MALRD1: variants seen among roughly 807,000 people sequenced by gnomAD.
The protein encoded by MALRD1 is MAM and LDL-receptor class A domain-containing protein 1.
MALRD1 carries 247 observed loss-of-function variants against 242.1 expected under a neutral mutation model. The observed-to-expected ratio is 1.02, with a 90% CI of 0.92 to 1.13. The LOEUF (loss-of-function observed/expected upper bound fraction) is 1.13. Among genes scored for constraint, MALRD1 ranks in the 50% most tolerant of loss-of-function variants. The pLI, the probability that MALRD1 is intolerant of heterozygous loss-of-function variation, is 0.00. For synonymous variants in MALRD1, 995 were observed against 866.6 expected, an observed-to-expected ratio of 1.15 and a Z score of -2.60; for missense variants, 2,989 against 2,533.1, an observed-to-expected ratio of 1.18 and a Z score of -3.86.
intron 36 of MALRD1, among the ~76,000 whole-genome samples, chr10:19,665,452 G>A (rs1323800249): frequency 6.6e-6 from 1 of 152,092 alleles, no homozygotes; most frequent in Non-Finnish European, 1.5e-5. Context: ...ACCTTCCTAA[G>A]GGGAATTTAT....
At chr10:19,684,903 G>A (rs1842515958) in intron 36 of MALRD1, among the ~76,000 whole-genome samples, 1 of 152,052 alleles carries the variant, frequency 6.6e-6, no homozygotes. Context: ...TACAAAATTA[G>A]AGACTGAGCA....
intron 11 of MALRD1, among the ~76,000 whole-genome samples, chr10:19,148,351 T>G (rs1448708317): frequency 6.6e-6 from 1 of 152,004 alleles, no homozygotes; most frequent in Non-Finnish European, 1.5e-5. Context: ...TTAGGGTGCT[T>G]CAGTTTTATT....
Position 19,155,149 on chromosome 10 carries a change from C to T in MALRD1, c.1633C>T (p.Leu545Phe). ...KLGSPVLTKLLTASTPCQVQF... is the reference protein window; with the variant it reads ...KLGSPVLTKLFTASTPCQVQF... Reference sequence around the variant, plus strand: ...TGGAAGTCCTGTTCTTACAAAATTGCTCACTGCCTCTACCCCATGTCAGGT... The same window carrying T: ...TGGAAGTCCTGTTCTTACAAAATTGTTCACTGCCTCTACCCCATGTCAGGT... Residue 545 changes from leucine to phenylalanine, a missense_variant, in exon 12 of 40, where the codon CTC becomes TTC. Transcript: ENST00000454679. 1 of 1,231,450 alleles carries T rather than the reference C, an allele frequency of 8.1e-7. No homozygotes were observed. Among genetic ancestry groups the T allele is most frequent in the African/African-American group, 1.6e-5 (1 of 64,508 alleles). The allele number at this position is 1,231,450 out of a possible 1,614,324, so 76.3% of individuals were successfully genotyped here. A position where few individuals can be genotyped will look rare whatever the true frequency, so the allele number is the denominator to read the frequency against.
intron 1 of MALRD1, among the ~76,000 whole-genome samples, chr10:19,060,976 G>C (rs971291485): frequency 6.6e-6 from 1 of 152,166 alleles, no homozygotes; most frequent in African/African-American, 2.4e-5. Flanking sequence ...CAGGGACATG[G>C]ATGGAGCTGG....
intron 14 of MALRD1, among the ~76,000 whole-genome samples, chr10:19,176,053 T>G (rs548833323): frequency 3.5e-4 from 53 of 152,262 alleles, no homozygotes; most frequent in Non-Finnish European, 5.9e-4. Context: ...CTCTGACCAC[T>G]CCTACCCTCA....
intron 19 of MALRD1, among the ~76,000 whole-genome samples, chr10:19,277,695 A>G (rs72796451): frequency 0.094 from 14,325 of 152,238 alleles, 774 homozygotes; most frequent in Middle Eastern, 0.14. Context: ...TTCTTTAGCT[A>G]TATCAATAAA....
At chr10:19,245,248 G>A (rs978649313) in intron 18 of MALRD1, among the ~76,000 whole-genome samples, 1 of 152,110 alleles carries the variant, frequency 6.6e-6, no homozygotes. Context: ...TGAGTTACTG[G>A]AGAAAGCAGA....
At chr10:19,329,239 G>A (rs1037176735) in intron 23 of MALRD1, among the ~76,000 whole-genome samples, 11 of 152,118 alleles carry the variant, frequency 7.2e-5, no homozygotes, top group Non-Finnish European at 7.3e-5. Flanking sequence ...CACCATGCAC[G>A]AGAGAGACAG....
intron 20 of MALRD1, among the ~76,000 whole-genome samples, chr10:19,280,943 T>A (rs898179360): frequency 6.6e-6 from 1 of 152,224 alleles, no homozygotes; most frequent in Admixed American, 6.5e-5. Flanking sequence ...TGTACCATCA[T>A]ATTTCTCAAG....
At chr10:19,390,041 T>G (rs1441724019) in intron 28 of MALRD1, among the ~76,000 whole-genome samples, 1 of 152,126 alleles carries the variant, frequency 6.6e-6, no homozygotes, top group Non-Finnish European at 1.5e-5. Flanking sequence ...TGCCATCTCC[T>G]GTGGCTGAAA....
At chr10:19,533,311 C>T (rs1834510637) in intron 32 of MALRD1, among the ~76,000 whole-genome samples, 1 of 152,124 alleles carries the variant, frequency 6.6e-6, no homozygotes, top group Non-Finnish European at 1.5e-5. Context: ...GTTTTTCTAA[C>T]CAGAAGGCAG....
chr10:19,229,241 A>G (rs1182830031), intron 18 of MALRD1, among the ~76,000 whole-genome samples: 1 of 152,148 alleles, frequency 6.6e-6, no homozygotes, highest in Non-Finnish European at 1.5e-5. Flanking sequence ...AAATAAGTAA[A>G]CTAGTATAAC....
At chr10:19,369,255 C>T (rs1845257994) in intron 26 of MALRD1, among the ~76,000 whole-genome samples, 1 of 144,948 alleles carries the variant, frequency 6.9e-6, no homozygotes, top group African/African-American at 2.5e-5. Context: ...TAAATATACA[C>T]TTATGTTGTA....
chr10:19,102,716 C>CCTTTTTCTATCGATTTAGTTAATTAGA (rs1836311855), intron 4 of MALRD1, among the ~76,000 whole-genome samples: 1 of 152,158 alleles, frequency 6.6e-6, no homozygotes, highest in Non-Finnish European at 1.5e-5. Context: ...ATCAACATGC[C>CCTTTTTCTATCGATTTAGTTAATTAGA]AATTTTCTAT....
intron 12 of MALRD1, among the ~76,000 whole-genome samples, chr10:19,163,332 C>G (rs74400385): frequency 1.3e-5 from 2 of 151,804 alleles, no homozygotes; most frequent in East Asian, 3.9e-4. Flanking sequence ...AAAAAAAGAA[C>G]AAGATCATGT....
At chr10:19,173,929 G>C (rs1835114715) in intron 13 of MALRD1, among the ~76,000 whole-genome samples, 2 of 151,954 alleles carry the variant, frequency 1.3e-5, no homozygotes, top group Non-Finnish European at 1.5e-5. Flanking sequence ...TCATCACAAG[G>C]GACATGGCTG....
intron 14 of MALRD1, among the ~76,000 whole-genome samples, chr10:19,202,604 A>G (rs1345148512): frequency 3.3e-5 from 5 of 152,084 alleles, no homozygotes; most frequent in African/African-American, 9.7e-5. Context: ...CTCATTGTTT[A>G]CTTCCTAATT....
chr10:19,376,906 A>C (rs1400941348), intron 26 of MALRD1, among the ~76,000 whole-genome samples: 1 of 152,146 alleles, frequency 6.6e-6, no homozygotes, highest in African/African-American at 2.4e-5. Context: ...TTGTAAAAAG[A>C]CTGTTGCACT....
In MALRD1 at chr10:19,387,785, G is replaced by C. The variant is rs966479646; in HGVS notation, c.4687+12G>C. On this transcript the variant is annotated intron_variant, in intron 27 of 39. Transcript: ENST00000454679. Reference sequence around the variant, plus strand: ...TGGAAATGAAAATGGTAGGTTATTAGATTGTTGTAATTGCTTTCACATGAT... The same window carrying C: ...TGGAAATGAAAATGGTAGGTTATTACATTGTTGTAATTGCTTTCACATGAT... 3.2e-6 allele frequency: 5 copies of C among 1,543,644 alleles called. No homozygotes were observed. The highest frequency in any genetic ancestry group is 3.5e-6 in the Non-Finnish European group (4 of 1,144,154).
Sources: allele counts gnomAD v4.1 joint callset (sites outside exome capture counted in the v4.1 genomes callset), GRCh38; gene constraint gnomAD v4.1.1; transcripts MANE v1.5; gene names NCBI Gene and HGNC (gene_info 2026-07-23, HGNC 2026-07-21).